USP22: variants seen among roughly 807,000 people sequenced by gnomAD.
USP22 encodes the protein ubiquitin carboxyl-terminal hydrolase 22.
Under a neutral mutation model 68.1 loss-of-function variants are expected in USP22, and 22 were observed. The observed-to-expected ratio is 0.32, with a 90% CI of 0.23 to 0.46. The LOEUF (loss-of-function observed/expected upper bound fraction) is 0.46. Among genes scored for constraint, USP22 ranks in the 20% least tolerant of loss-of-function variants. The pLI, the probability that USP22 is intolerant of heterozygous loss-of-function variation, is 1.00. For missense variants in USP22, 433 were observed against 695.8 expected, an observed-to-expected ratio of 0.62 and a Z score of 4.25; for synonymous variants, 279 against 274.2, an observed-to-expected ratio of 1.02 and a Z score of -0.17.
At chr17:21,024,710 G>A (rs1398668278) in intron 2 of USP22, among the ~76,000 whole-genome samples, 1 of 152,186 alleles carries the variant, frequency 6.6e-6, no homozygotes, top group Non-Finnish European at 1.5e-5. Flanking sequence ...GCTCACACCT[G>A]GAATCCCAGC....
At chr17:21,008,597 C>T (rs11867648) in intron 8 of USP22, among the ~76,000 whole-genome samples, 64,138 of 152,012 alleles carry the variant, frequency 0.42, 16,828 homozygotes, top group South Asian at 0.57. Context: ...AGGGTGACTG[C>T]GGTTACAGAG....
intron 2 of USP22, among the ~76,000 whole-genome samples, chr17:21,026,744 C>T (rs1972225074): frequency 6.6e-6 from 1 of 151,790 alleles, no homozygotes; most frequent in Admixed American, 6.6e-5. Flanking sequence ...GCCGAAGGAT[C>T]GCTTGAGCCC....
chr17:21,012,150 C>T (rs61743472), intron 7 of USP22, among the ~76,000 whole-genome samples: 162 of 152,196 alleles, frequency 1.1e-3, no homozygotes, highest in African/African-American at 3.7e-3. Flanking sequence ...GAGCCAGGCA[C>T]GGTGGCCCAT....
intron 6 of USP22, among the ~76,000 whole-genome samples, chr17:21,015,350 A>G (rs574538348): frequency 8.5e-5 from 13 of 152,254 alleles, no homozygotes; most frequent in African/African-American, 2.6e-4. Flanking sequence ...AGAGTCCCCA[A>G]TGGGAAGGAG....
rs1010527988 is a variant in USP22, at chr17:21,002,002, C to T, written c.*1029G>A. On this transcript the variant is annotated 3_prime_UTR_variant, in exon 13 of 13. Transcript: ENST00000261497. ...GCTCCACCAGAGGCCACTCCAGCTT[C>T]GCGACCAACACCCTTGGCTGCCAGG... 2 of 152,270 alleles carry T rather than the reference C, an allele frequency of 1.3e-5. No individual in the cohort carries two copies. Among genetic ancestry groups the T allele is most frequent in the East Asian group, 1.9e-4 (1 of 5,200 alleles). 9.4% of individuals were successfully genotyped at this position (152,270 alleles called of 1,614,324 possible). A position where few individuals can be genotyped will look rare whatever the true frequency, so the allele number is the denominator to read the frequency against.
At position 21,018,005 on chromosome 17, in the gene USP22, G is replaced by A; in HGVS notation, c.627C>T (p.His209=). ...LLRDFFLSDR[H]RCEMQSPSSC... ...AGCTGGGGCTCTGCATCTCACAGCGGTGCCTGTCAGACAGGAAGAAGTCCC... is the reference window on the plus strand; with the variant it reads ...AGCTGGGGCTCTGCATCTCACAGCGATGCCTGTCAGACAGGAAGAAGTCCC... Residue 209 remains histidine, a synonymous_variant, in exon 5 of 13, where the codon CAC becomes CAT. Coordinates refer to ENST00000261497, the MANE Select transcript of USP22 (RefSeq NM_015276.2). 7 of 1,614,132 alleles carry A rather than the reference G, an allele frequency of 4.3e-6. No homozygotes were observed. Among genetic ancestry groups the A allele is most frequent in the Non-Finnish European group, 5.1e-6 (6 of 1,180,032 alleles).
At chr17:21,020,266 AAAAGG>A (rs1972138649) in intron 3 of USP22, among the ~76,000 whole-genome samples, 1 of 142,236 alleles carries the variant, frequency 7.0e-6, no homozygotes, top group African/African-American at 2.7e-5. Flanking sequence ...AAAAAAAAAA[AAAAGG>A]AAAAAAAACT....
chr17:21,040,189 T>G (rs1034216083), intron 1 of USP22, among the ~76,000 whole-genome samples: 1 of 152,162 alleles, frequency 6.6e-6, no homozygotes, highest in Non-Finnish European at 1.5e-5. Context: ...AAAAATAATT[T>G]TTAATAAAAT....
chr17:21,012,699 G>A, intron 7 of USP22, 131 bp downstream of exon 7: 1 of 809,840 alleles, frequency 1.2e-6, no homozygotes, highest in South Asian at 1.8e-5. Flanking sequence ...TCGCTCTCAT[G>A]GCGTCTATTA....
At chr17:21,005,945 T>G (rs1039036162) in intron 10 of USP22, among the ~76,000 whole-genome samples, 6 of 152,120 alleles carry the variant, frequency 3.9e-5, no homozygotes, top group African/African-American at 1.4e-4. Context: ...CAGAGGGAAC[T>G]GGACACAGAG....
chr17:21,024,260 A>G (rs1209549641), intron 2 of USP22, among the ~76,000 whole-genome samples: 1 of 152,208 alleles, frequency 6.6e-6, no homozygotes, highest in Non-Finnish European at 1.5e-5. Context: ...AGTAAGGCCA[A>G]GATATCCCGT....
chr17:21,002,952 GA>G lies in USP22; in HGVS notation c.*78del, dbSNP rs372441582. On this transcript the variant is annotated 3_prime_UTR_variant, in exon 13 of 13. Coordinates refer to ENST00000261497, the MANE Select transcript of USP22 (RefSeq NM_015276.2). ...CGGGGAGGCGGCGGGAGACTTGGGG[GA>G]GGGGGGGGCCAGGGAGGATCACTTT... 114 of 1,553,334 alleles carry G rather than the reference GA, an allele frequency of 7.3e-5. No individual in the cohort carries two copies. In the East Asian group the frequency reaches 1.0e-3, roughly 14 times the overall value.
intron 8 of USP22, among the ~76,000 whole-genome samples, chr17:21,008,267 T>C (rs1250307797): frequency 6.6e-6 from 1 of 152,178 alleles, no homozygotes; most frequent in African/African-American, 2.4e-5. Context: ...AGCAGTTGAA[T>C]TTGAGCCAGA....
Position 21,006,907 on chromosome 17 carries a change from G to A in USP22, c.1311C>T (p.Phe437=). The part of the protein sequence containing the change: ...SFPLELDMTP[F]MASSKESRMN... ...ACAACCCCACATACCTGGAGGCCAT[G>A]AAAGGGGTCATGTCCAGCTCCAGGG... is the stretch of plus-strand genomic sequence containing the variant. Residue 437 remains phenylalanine (F), a synonymous_variant, in exon 10 of 13, where the codon TTC becomes TTT. Coordinates refer to ENST00000261497, the MANE Select transcript of USP22 (RefSeq NM_015276.2). 1 of 1,606,666 alleles carries A rather than the reference G, an allele frequency of 6.2e-7. No homozygotes were observed. The highest frequency in any genetic ancestry group is 8.5e-7 in the Non-Finnish European group (1 of 1,176,202).
At chr17:21,011,941 C>T (rs1357325099) in intron 7 of USP22, among the ~76,000 whole-genome samples, 3 of 152,156 alleles carry the variant, frequency 2.0e-5, no homozygotes, top group Non-Finnish European at 4.4e-5. Flanking sequence ...AGAGCAAACT[C>T]GGTTTCTAAT....
At chr17:21,023,315 A>G (rs536814895) in intron 2 of USP22, among the ~76,000 whole-genome samples, 17 of 152,324 alleles carry the variant, frequency 1.1e-4, no homozygotes, top group Admixed American at 8.5e-4. Flanking sequence ...AAACCTGCAC[A>G]TGTACCGTTG....
intron 4 of USP22, chr17:21,018,314 C>G (rs1303293132): frequency 4.1e-6 from 2 of 482,716 alleles, no homozygotes; most frequent in African/African-American, 4.0e-5. Context: ...CACCATGGAC[C>G]CCTCCCACTT....
At chr17:21,015,547 C>T in intron 6 of USP22, 1 of 656,410 alleles carries the variant, frequency 1.5e-6, no homozygotes, top group Non-Finnish European at 2.4e-6. Context: ...ACTTCCTCGC[C>T]TCTTAAAAAT....
intron 2 of USP22, among the ~76,000 whole-genome samples, chr17:21,025,593 CCCACACGT>C (rs1325305837): frequency 6.6e-6 from 1 of 152,182 alleles, no homozygotes; most frequent in African/African-American, 2.4e-5. Flanking sequence ...ATGGGAACAA[CCCACACGT>C]CCATCAGCAG....
Sources: gnomAD v4.1 joint callset for allele counts (sites outside exome capture counted in the v4.1 genomes callset) on GRCh38, gnomAD v4.1.1 for gene constraint, MANE v1.5 for transcripts, NCBI Gene and HGNC (gene_info 2026-07-23, HGNC 2026-07-21) for gene names.